Variants in FREM2 observed in about 807,000 individuals in gnomAD.
FREM2 encodes FRAS1 related extracellular matrix 2.
FREM2 carries 119 observed loss-of-function variants against 219.9 expected under a neutral mutation model. The ratio of observed to expected loss-of-function variants is 0.54; its 90% CI spans 0.47 to 0.63. The LOEUF is 0.63. Among genes scored for constraint, FREM2 ranks in the 30% least tolerant of loss-of-function variants. The pLI is 0.00. For missense variants in FREM2, 4,030 were observed against 3,993.6 expected, an observed-to-expected ratio of 1.01 and a Z score of -0.25; for synonymous variants, 1,562 against 1,522.8, an observed-to-expected ratio of 1.03 and a Z score of -0.60.
chr13:38,712,669 CACACACAA>C (rs1220253389), intron 2 of FREM2, among the ~76,000 whole-genome samples: 1 of 150,620 alleles, frequency 6.6e-6, no homozygotes, highest in Non-Finnish European at 1.5e-5. Context: ...CACACACACA[CACACACAA>C]ACACACACAC....
At chr13:38,748,086 T>G (rs758963749) in intron 2 of FREM2, among the ~76,000 whole-genome samples, 1 of 152,162 alleles carries the variant, frequency 6.6e-6, no homozygotes, top group Non-Finnish European at 1.5e-5. Context: ...ATCCTAACCT[T>G]TGTCTCTTCT....
Position 38,689,628 on chromosome 13 carries a change from G to T in FREM2, c.2284G>T (p.Val762Phe), listed in dbSNP as rs1455022783. ...CCTGCCAGCCCCACTGGGTACCTTG[G>T]TCTTGACTGACAACCCCTCAGTCGT... ...NHLPAPLGTLVLTDNPSVVVT... is the reference protein window; with the variant it reads ...NHLPAPLGTLFLTDNPSVVVT... Residue 762 changes from valine to phenylalanine, a missense_variant, in exon 1 of 24, where the codon GTC (valine) becomes TTC (phenylalanine). By Grantham distance (50) the Val-to-Phe change is conservative. Coordinates refer to ENST00000280481, the MANE Select transcript of FREM2 (RefSeq NM_207361.6). The T allele has an allele frequency of 6.2e-7, 1 of 1,613,864 alleles. No individual in the cohort carries two copies. The highest frequency in any genetic ancestry group is 8.5e-7 in the Non-Finnish European group (1 of 1,180,008).
rs1445748131 is a variant in FREM2, at chr13:38,688,470, C to T, written c.1126C>T (p.Arg376Cys). The T allele has an allele frequency of 6.2e-7, 1 of 1,614,034 alleles. No individual in the cohort carries two copies. Among genetic ancestry groups the T allele is most frequent in the Non-Finnish European group, 8.5e-7 (1 of 1,180,034 alleles). ...GQGYLVSTDD[R>C]SLPLSSFTQR... Reference sequence around the variant, plus strand: ...GGGCTACTTGGTGAGCACCGATGATCGCAGCCTGCCCCTTTCCTCCTTCAC... The same window carrying T: ...GGGCTACTTGGTGAGCACCGATGATTGCAGCCTGCCCCTTTCCTCCTTCAC... Residue 376 changes from arginine to cysteine, a missense_variant, in exon 1 of 24, where the codon CGC (arginine) becomes TGC (cysteine). This residue lies in a region of FREM2 where 3,102 missense variants were observed against 2,950.7 expected (regional missense o/e 1.05). Coordinates refer to ENST00000280481, the MANE Select transcript of FREM2 (RefSeq NM_207361.6).
chr13:38,835,851 G>A (rs1015854962), intron 6 of FREM2, among the ~76,000 whole-genome samples: 1 of 152,164 alleles, frequency 6.6e-6, no homozygotes, highest in African/African-American at 2.4e-5. Flanking sequence ...GGGCTGAGAC[G>A]ATGGAGTTTT....
chr13:38,750,052 T>C (rs1050782920), intron 2 of FREM2, among the ~76,000 whole-genome samples: 1 of 152,192 alleles, frequency 6.6e-6, no homozygotes, highest in South Asian at 2.1e-4. Context: ...AACTTTTACC[T>C]GTATGTAGTA....
At position 38,851,083 on chromosome 13, in the gene FREM2, C is replaced by T. The variant is rs990401845; in HGVS notation, c.6717C>T (p.Leu2239=). The T allele has an allele frequency of 2.5e-6, 4 of 1,613,884 alleles. No individual in the cohort carries two copies. The highest frequency in any genetic ancestry group is 3.4e-6 in the Non-Finnish European group (4 of 1,179,948). The change falls in exon 10 of 24, where the codon CTC becomes CTT. Residue 2239 remains leucine, a synonymous_variant. Coordinates refer to ENST00000280481, the MANE Select transcript of FREM2 (RefSeq NM_207361.6). ...GAAVGEQNET[L]IRIRDDADKT... is the part of the protein sequence containing the mutation. The stretch of plus-strand genomic sequence containing the variant: ...CAGTTGGTGAACAAAATGAAACTCT[C>T]ATAAGGATCCGAGATGATGCTGATA...
intron 1 of FREM2, among the ~76,000 whole-genome samples, chr13:38,696,175 C>A (rs553902699): frequency 6.6e-6 from 1 of 152,086 alleles, no homozygotes; most frequent in Admixed American, 6.5e-5. Flanking sequence ...GAGAATCAAG[C>A]GACTTAGGCA....
At chr13:38,750,276 C>T (rs781330187) in intron 2 of FREM2, among the ~76,000 whole-genome samples, 3 of 152,052 alleles carry the variant, frequency 2.0e-5, no homozygotes, top group South Asian at 2.1e-4. Context: ...TCATGAGGGC[C>T]GGTCTTTCCC....
chr13:38,732,481 A>G (rs1318436614), intron 2 of FREM2, among the ~76,000 whole-genome samples: 1 of 152,250 alleles, frequency 6.6e-6, no homozygotes, highest in Non-Finnish European at 1.5e-5. Flanking sequence ...ATGCCAATTC[A>G]AGTGTCTGTT....
intron 2 of FREM2, among the ~76,000 whole-genome samples, chr13:38,761,074 T>C: frequency 6.6e-6 from 1 of 152,086 alleles, no homozygotes; most frequent in East Asian, 1.9e-4. Context: ...TAGCTAAGAA[T>C]TGTTAAAATT....
At chr13:38,744,905 G>C (rs964124534) in intron 2 of FREM2, among the ~76,000 whole-genome samples, 1 of 152,230 alleles carries the variant, frequency 6.6e-6, no homozygotes, top group Non-Finnish European at 1.5e-5. Context: ...CAGAGGTCAT[G>C]ATGCAATAAC....
intron 2 of FREM2, among the ~76,000 whole-genome samples, chr13:38,730,830 T>G (rs1443923840): frequency 6.6e-6 from 1 of 152,018 alleles, no homozygotes; most frequent in Non-Finnish European, 1.5e-5. Flanking sequence ...AAGAAAAGGT[T>G]CAAAGACATT....
chr13:38,709,876 G>A (rs1212190414), intron 2 of FREM2, among the ~76,000 whole-genome samples: 1 of 151,922 alleles, frequency 6.6e-6, no homozygotes, highest in Non-Finnish European at 1.5e-5. Context: ...GGGCGCGGTG[G>A]CTCATGCCTA....
Position 38,837,546 on chromosome 13 carries a change from G to A in FREM2, c.6020-9027G>A, listed in dbSNP as rs566035811. Among the ~76,000 whole-genome samples the A allele has an allele frequency of 2.0e-5, 3 of 152,214 alleles. No homozygotes were observed. In the South Asian group the frequency reaches 6.2e-4, roughly 32 times the overall value. On this transcript the variant is annotated intron_variant, in intron 6 of 23. Coordinates refer to ENST00000280481, the MANE Select transcript of FREM2 (RefSeq NM_207361.6). ...TCTAATATTGACAATGGGTGTTAAA[G>A]TCTCCCACTATTATTGTGTGGGAGT...
intron 15 of FREM2, among the ~76,000 whole-genome samples, chr13:38,862,793 T>A (rs1189824303): frequency 1.3e-5 from 2 of 151,472 alleles, no homozygotes; most frequent in Non-Finnish European, 2.9e-5. Flanking sequence ...TTTTTAAATG[T>A]TTGGGGAAAA....
At chr13:38,828,283 A>G (rs1876370739) in intron 6 of FREM2, among the ~76,000 whole-genome samples, 1 of 152,194 alleles carries the variant, frequency 6.6e-6, no homozygotes, top group African/African-American at 2.4e-5. Flanking sequence ...TTGAGTTAGT[A>G]GATAGATAAA....
At chr13:38,823,999 C>T (rs1447181762) in intron 6 of FREM2, among the ~76,000 whole-genome samples, 1 of 152,020 alleles carries the variant, frequency 6.6e-6, no homozygotes, top group African/African-American at 2.4e-5. Context: ...GGCCGTGTTT[C>T]AATGAGCTTA....
chr13:38,833,144 T>G (rs1365057568), intron 6 of FREM2, among the ~76,000 whole-genome samples: 1 of 152,194 alleles, frequency 6.6e-6, no homozygotes, highest in Non-Finnish European at 1.5e-5. Flanking sequence ...CTTTTTATAG[T>G]CTTATCTTTT....
At chr13:38,787,115 A>G (rs948977648) in intron 6 of FREM2, among the ~76,000 whole-genome samples, 5 of 152,112 alleles carry the variant, frequency 3.3e-5, no homozygotes, top group African/African-American at 1.2e-4. Flanking sequence ...GGGGTAGCGA[A>G]AGCCCAGAAA....
Sources: allele counts gnomAD v4.1 joint callset (sites outside exome capture counted in the v4.1 genomes callset), GRCh38; gene constraint gnomAD v4.1.1; regional missense constraint gnomAD v4.1.1; transcripts MANE v1.5; gene names NCBI Gene and HGNC (gene_info 2026-07-23, HGNC 2026-07-21).